Variants in PIK3R3 observed in about 807,000 individuals in gnomAD.
PIK3R3 encodes the protein phosphatidylinositol 3-kinase regulatory subunit gamma.
In PIK3R3, 64 loss-of-function variants were observed where a neutral mutation model predicts 62.9. The ratio of observed to expected loss-of-function variants is 1.02; its 90% CI spans 0.83 to 1.25. The LOEUF is 1.25. Among genes scored for constraint, PIK3R3 ranks in the 50% most tolerant of loss-of-function variants. PIK3R3 has a pLI of 0.00. For missense variants in PIK3R3, 614 were observed against 561.6 expected, an observed-to-expected ratio of 1.09 and a Z score of -0.94; for synonymous variants, 165 against 189.0, an observed-to-expected ratio of 0.87 and a Z score of 1.04.
At chr1:46,091,251 C>G (rs1302666397) in intron 1 of PIK3R3, among the ~76,000 whole-genome samples, 2 of 151,742 alleles carry the variant, frequency 1.3e-5, no homozygotes, top group Non-Finnish European at 2.9e-5. Context: ...AGCAATTCTC[C>G]TGTCTCAGCC....
chr1:46,077,897 T>G (rs561299630), intron 2 of PIK3R3, among the ~76,000 whole-genome samples: 1 of 152,328 alleles, frequency 6.6e-6, no homozygotes, highest in African/African-American at 2.4e-5. Flanking sequence ...ATCAAGCCTT[T>G]AAGGGTTTCC....
Position 46,044,031 on chromosome 1 carries a change from C to T in PIK3R3, c.1188-160G>A, listed in dbSNP as rs77992526. On this transcript the variant is annotated intron_variant, in intron 9 of 9. Coordinates refer to ENST00000262741, the MANE Select transcript of PIK3R3 (RefSeq NM_003629.4). This position sits in a 1 kb window ranked among gnomAD's most constrained non-coding sequence, Gnocchi z 4.2. ...CGTTCCCATTCCCTACAGACTTGGC[C>T]ACAGATACGGGTGTTAAAACAACCA... Among the ~76,000 whole-genome samples, 5,045 of 152,130 alleles carry T rather than the reference C, an allele frequency of 0.033. 283 individuals carry two copies. Among genetic ancestry groups the T allele is most frequent in the African/African-American group, 0.12 (4,779 of 41,456 alleles).
chr1:46,083,907 T>C (rs1466495838), intron 1 of PIK3R3, among the ~76,000 whole-genome samples: 2 of 152,126 alleles, frequency 1.3e-5, no homozygotes, highest in African/African-American at 4.8e-5. Context: ...TGCCCAGCAA[T>C]TTCACTCTTA....
chr1:46,085,408 T>C (rs1282979820), intron 1 of PIK3R3, among the ~76,000 whole-genome samples: 2 of 152,224 alleles, frequency 1.3e-5, no homozygotes, highest in African/African-American at 2.4e-5. Flanking sequence ...AGATAATTCA[T>C]TGTTCCTAAA....
chr1:46,048,456 C>T (rs1647174873), intron 7 of PIK3R3: 1 of 152,002 alleles, frequency 6.6e-6, no homozygotes, highest in South Asian at 2.1e-4. Context: ...AGTAACAAAC[C>T]CCCTCCCCCA....
chr1:46,090,392 C>T (rs941687765), intron 1 of PIK3R3, among the ~76,000 whole-genome samples: 2 of 151,946 alleles, frequency 1.3e-5, no homozygotes, highest in Admixed American at 1.3e-4. Flanking sequence ...AGTGCGGTGG[C>T]GCAATCTCGG....
rs1647064123 is a variant in PIK3R3, at chr1:46,044,650, T to C, written c.1188-779A>G. Among the ~76,000 whole-genome samples the C allele has an allele frequency of 2.0e-5, 3 of 152,158 alleles. No homozygotes were observed. Among genetic ancestry groups the C allele is most frequent in the Non-Finnish European group, 4.4e-5 (3 of 68,038 alleles). ...AATGCACTTTTCAACTCCTCCCCCA[T>C]TTTCTGCCCATAAGACATCCCATTC... On this transcript the variant is annotated intron_variant, in intron 9 of 9. Coordinates refer to ENST00000262741, the MANE Select transcript of PIK3R3 (RefSeq NM_003629.4). The surrounding 1 kb of genome is among the most constrained non-coding windows in gnomAD (Gnocchi z 4.2).
chr1:46,042,196 A>G lies in PIK3R3; in HGVS notation c.*1477T>C. 4.5e-6 allele frequency: 1 copy of G among 223,098 alleles called. No homozygotes were observed. Among genetic ancestry groups the G allele is most frequent in the East Asian group, 6.5e-5 (1 of 15,418 alleles). The allele number at this position is 223,098 out of a possible 1,614,324, so 13.8% of individuals were successfully genotyped here. A position where few individuals can be genotyped will look rare whatever the true frequency, so the allele number is the denominator to read the frequency against. On this transcript the variant is annotated 3_prime_UTR_variant, in exon 10 of 10. Coordinates refer to ENST00000262741, the MANE Select transcript of PIK3R3 (RefSeq NM_003629.4). The surrounding 1 kb of genome is among the most constrained non-coding windows in gnomAD (Gnocchi z 4.3). ...TGGGGCATGATGGGGGCAGGAATAG[A>G]TGCCTGCCCCCACTCCATTTGCCTA...
chr1:46,153,786 C>T, the PIK3R3 span, among the ~76,000 whole-genome samples: 2 of 152,230 alleles, frequency 1.3e-5, no homozygotes, highest in Non-Finnish European at 2.9e-5. Context: ...TCCCTCTAAA[C>T]CACAAACTCC....
the PIK3R3 span, among the ~76,000 whole-genome samples, chr1:46,140,243 C>T: frequency 6.6e-6 from 1 of 152,168 alleles, no homozygotes. Context: ...ATCCTCCTGC[C>T]GCAGCCTCCC....
At chr1:46,101,967 A>G (rs1283851873) in intron 1 of PIK3R3, among the ~76,000 whole-genome samples, 1 of 145,574 alleles carries the variant, frequency 6.9e-6, no homozygotes, top group African/African-American at 2.5e-5. Context: ...GTATCAAAAC[A>G]TTGAATTGTA....
chr1:46,053,665 C>A (rs186890203), intron 7 of PIK3R3, among the ~76,000 whole-genome samples: 1 of 152,118 alleles, frequency 6.6e-6, no homozygotes, highest in Non-Finnish European at 1.5e-5. Context: ...GCCTTGAGTT[C>A]GGACTTCCTA....
chr1:46,148,743 GGAGAGAGAGA>G, the PIK3R3 span, among the ~76,000 whole-genome samples: 5 of 143,364 alleles, frequency 3.5e-5, no homozygotes, highest in African/African-American at 5.1e-5. Flanking sequence ...CCAAGATTTT[GGAGAGAGAGA>G]GAGAGAGAGA....
chr1:46,075,108 AC>A (rs1649945821), intron 3 of PIK3R3, among the ~76,000 whole-genome samples: 1 of 152,212 alleles, frequency 6.6e-6, no homozygotes, highest in Non-Finnish European at 1.5e-5. Flanking sequence ...AGTATCAAAT[AC>A]AGGGTTGCCA....
intron 1 of PIK3R3, among the ~76,000 whole-genome samples, chr1:46,116,894 C>G (rs1654235296): frequency 6.6e-6 from 1 of 152,098 alleles, no homozygotes. Context: ...GAGTCTGGAG[C>G]TCTTAAACAC....
At chr1:46,090,586 G>T (rs1011561106) in intron 1 of PIK3R3, among the ~76,000 whole-genome samples, 5 of 151,934 alleles carry the variant, frequency 3.3e-5, no homozygotes, top group Middle Eastern at 3.2e-3. Flanking sequence ...ACCTGCCTTG[G>T]CCTCCCAAAG....
chr1:46,173,282 C>G, the PIK3R3 span, among the ~76,000 whole-genome samples: 1 of 152,216 alleles, frequency 6.6e-6, no homozygotes, highest in African/African-American at 2.4e-5. Flanking sequence ...GTTACAAGTA[C>G]TCAGAGACCT....
upstream of PIK3R3, chr1:46,134,454 T>A (rs1330322198): frequency 6.6e-6 from 1 of 152,218 alleles, no homozygotes; most frequent in African/African-American, 2.4e-5. Flanking sequence ...GCTTTCTTAT[T>A]ATTTCTGAAA....
At chr1:46,154,795 C>T in the PIK3R3 span, among the ~76,000 whole-genome samples, 1 of 152,048 alleles carries the variant, frequency 6.6e-6, no homozygotes, top group Admixed American at 6.6e-5. Flanking sequence ...ACCTGCTCTC[C>T]CTCTACCTAG....
Sources: allele counts gnomAD v4.1 joint callset (sites outside exome capture counted in the v4.1 genomes callset), GRCh38; gene constraint gnomAD v4.1.1; non-coding constraint Gnocchi (gnomAD v3.1); transcripts MANE v1.5; gene names NCBI Gene and HGNC (gene_info 2026-07-23, HGNC 2026-07-21).